Variants in TMEM108 observed in about 807,000 individuals in gnomAD.
TMEM108 encodes the protein transmembrane protein 108.
TMEM108 carries 12 observed loss-of-function variants against 35.1 expected under a neutral mutation model. That is an observed-to-expected ratio of 0.34 (90% CI 0.22 to 0.55). The LOEUF is 0.55. TMEM108 is among the 20% of genes least tolerant of loss of function. The pLI, the probability that TMEM108 is intolerant of heterozygous loss-of-function variation, is 0.89. For synonymous variants in TMEM108, 287 were observed against 308.6 expected (o/e 0.93, Z 0.73); for missense variants, 680 against 753.3 (o/e 0.90, Z 1.14).
chr3:133,326,253 T>A (rs924426790), intron 3 of TMEM108, among the ~76,000 whole-genome samples: 3 of 152,188 alleles, frequency 2.0e-5, no homozygotes, highest in Non-Finnish European at 4.4e-5. Flanking sequence ...CATGTACTAG[T>A]GCCCCTTCCT....
At chr3:133,308,707 A>T (rs377183762) in intron 3 of TMEM108, among the ~76,000 whole-genome samples, 3 of 152,340 alleles carry the variant, frequency 2.0e-5, no homozygotes. Context: ...CCGCGGGGTG[A>T]AGCCTACTTG....
intron 3 of TMEM108, among the ~76,000 whole-genome samples, chr3:133,342,618 A>G (rs796309456): frequency 7.0e-6 from 1 of 142,658 alleles, no homozygotes; most frequent in African/African-American, 2.6e-5. Context: ...GGCAACACAA[A>G]TAAGCCTAGA....
At chr3:133,046,413 T>C (rs955774872) in intron 2 of TMEM108, among the ~76,000 whole-genome samples, 2 of 152,246 alleles carry the variant, frequency 1.3e-5, no homozygotes, top group African/African-American at 4.8e-5. Context: ...ACCACCTTCT[T>C]TCTTCTTTGA....
chr3:133,261,855 G>A (rs756710199), intron 3 of TMEM108, among the ~76,000 whole-genome samples: 1 of 152,174 alleles, frequency 6.6e-6, no homozygotes, highest in African/African-American at 2.4e-5. Flanking sequence ...ATGTTAATAT[G>A]TTATAGTTAG....
intron 3 of TMEM108, among the ~76,000 whole-genome samples, chr3:133,233,499 T>TA (rs1946186645): frequency 6.6e-6 from 1 of 152,352 alleles, no homozygotes; most frequent in East Asian, 1.9e-4. Context: ...ACAATAAACA[T>TA]ACGTGTGCAT....
chr3:133,202,843 C>T lies in TMEM108; in HGVS notation c.-46-26423C>T, dbSNP rs375715796. ...ATTCTGTGAAGAAAGTCAGTGGTAG[C>T]TTGATGGGGATATCATTGAATCTAT... is the stretch of plus-strand genomic sequence containing the variant. On this transcript the variant is annotated intron_variant, in intron 2 of 5. Transcript: ENST00000321871. 1.4e-4 allele frequency among the ~76,000 whole-genome samples: 21 copies of T among 152,250 alleles called. No homozygotes were observed. In the South Asian group the frequency reaches 3.3e-3, roughly 24 times the overall value.
chr3:133,347,803 A>G (rs1435514218), intron 3 of TMEM108, among the ~76,000 whole-genome samples: 1 of 152,110 alleles, frequency 6.6e-6, no homozygotes, highest in African/African-American at 2.4e-5. Context: ...TATATAAAGA[A>G]ATTTTTTTCA....
At chr3:133,299,343 G>A (rs991281490) in intron 3 of TMEM108, among the ~76,000 whole-genome samples, 1 of 152,182 alleles carries the variant, frequency 6.6e-6, no homozygotes, top group Non-Finnish European at 1.5e-5. Flanking sequence ...CAACCTTGAT[G>A]TTTTGACATC....
chr3:133,232,766 GGAA>G (rs1946172593), intron 3 of TMEM108, among the ~76,000 whole-genome samples: 1 of 151,298 alleles, frequency 6.6e-6, no homozygotes, highest in Non-Finnish European at 1.5e-5. Flanking sequence ...GCTCTACTCA[GGAA>G]TGTGGTACTG....
intron 2 of TMEM108, among the ~76,000 whole-genome samples, chr3:133,221,268 G>C (rs981311198): frequency 3.9e-5 from 6 of 152,046 alleles, no homozygotes; most frequent in African/African-American, 1.4e-4. Context: ...CCCCACCCAG[G>C]AGCCCACCAA....
At chr3:133,148,044 T>C (rs1944746724) in intron 2 of TMEM108, among the ~76,000 whole-genome samples, 1 of 152,228 alleles carries the variant, frequency 6.6e-6, no homozygotes, top group South Asian at 2.1e-4. Context: ...GATAGCTAGC[T>C]ACAGAAAAAC....
chr3:133,272,132 G>T (rs1220444778), intron 3 of TMEM108, among the ~76,000 whole-genome samples: 1 of 152,144 alleles, frequency 6.6e-6, no homozygotes, highest in Non-Finnish European at 1.5e-5. Context: ...TCGTCAATAA[G>T]GCCAAATAGG....
At position 133,381,069 on chromosome 3, in the gene TMEM108, G is replaced by T. The variant is rs774734849; in HGVS notation, c.1358G>T (p.Gly453Val). The T allele has an allele frequency of 6.2e-7, 1 of 1,614,064 alleles. No individual in the cohort carries two copies. Among genetic ancestry groups the T allele is most frequent in the African/African-American group, 1.3e-5 (1 of 74,912 alleles). ...GGGAACATCTCCCATGTGGCCGAGG[G>T]GGACAAACCGCAGCACAGAGCCACC... ...TAGNISHVAE[G>V]DKPQHRATIC... Residue 453 changes from glycine (G) to valine (V), a missense_variant, in exon 4 of 6, where the codon GGG becomes GTG. Gly to Val is a moderately radical substitution (Grantham distance 109). Coordinates refer to ENST00000321871, the MANE Select transcript of TMEM108 (RefSeq NM_023943.4).
At chr3:133,142,895 G>T (rs1031852263) in intron 2 of TMEM108, among the ~76,000 whole-genome samples, 2 of 152,136 alleles carry the variant, frequency 1.3e-5, no homozygotes, top group Non-Finnish European at 2.9e-5. Context: ...TCAGTTTTCA[G>T]AATGAGGAAA....
At chr3:133,224,495 T>C (rs779568550) in intron 2 of TMEM108, among the ~76,000 whole-genome samples, 13 of 152,160 alleles carry the variant, frequency 8.5e-5, no homozygotes, top group Non-Finnish European at 1.8e-4. Flanking sequence ...TTCCCACATG[T>C]TGTGGGAAGG....
chr3:133,251,991 G>C (rs945206717), intron 3 of TMEM108, among the ~76,000 whole-genome samples: 1 of 152,106 alleles, frequency 6.6e-6, no homozygotes, highest in African/African-American at 2.4e-5. Flanking sequence ...TCTAATCACT[G>C]TTGCTATGAA....
intron 2 of TMEM108, among the ~76,000 whole-genome samples, chr3:133,179,781 A>G (rs893678115): frequency 5.9e-5 from 9 of 152,052 alleles, no homozygotes; most frequent in African/African-American, 2.2e-4. Context: ...TGTTGTGCAC[A>G]TGTACCGTAA....
chr3:133,171,169 T>C (rs1399569289), intron 2 of TMEM108, among the ~76,000 whole-genome samples: 3 of 152,142 alleles, frequency 2.0e-5, no homozygotes, highest in African/African-American at 7.2e-5. Flanking sequence ...TGTATCGACA[T>C]TATAGTTTGT....
At chr3:133,094,402 A>G (rs1029637476) in intron 2 of TMEM108, among the ~76,000 whole-genome samples, 1 of 152,044 alleles carries the variant, frequency 6.6e-6, no homozygotes, top group African/African-American at 2.4e-5. Context: ...TTTCTCTTCT[A>G]AAAAATGAGG....
Sources: gnomAD v4.1 joint callset for allele counts (sites outside exome capture counted in the v4.1 genomes callset) on GRCh38, gnomAD v4.1.1 for gene constraint, MANE v1.5 for transcripts, NCBI Gene and HGNC (gene_info 2026-07-23, HGNC 2026-07-21) for gene names.